Variants in R3HDM2 observed in about 807,000 individuals in gnomAD.
R3HDM2 encodes R3H domain-containing protein 2.
In R3HDM2, 38 loss-of-function variants were observed where a neutral mutation model predicts 124.5. That is an observed-to-expected ratio of 0.31 (90% CI 0.24 to 0.40). R3HDM2 has a LOEUF of 0.40. Ranked by LOEUF, R3HDM2 falls within the 10% of genes least tolerant of loss-of-function variation. The pLI is 1.00. For missense variants in R3HDM2, 869 were observed against 1,236.9 expected, an observed-to-expected ratio of 0.70 and a Z score of 4.46; for synonymous variants, 391 against 448.0, an observed-to-expected ratio of 0.87 and a Z score of 1.61.
intron 19 of R3HDM2, among the ~76,000 whole-genome samples, chr12:57,265,740 T>C (rs545111055): frequency 2.6e-5 from 4 of 151,612 alleles, no homozygotes; most frequent in Non-Finnish European, 4.4e-5. Context: ...GCTCAAGCGA[T>C]TGTTCCCCTC....
At chr12:57,410,191 CTTAT>C (rs1459043891) in intron 1 of R3HDM2, among the ~76,000 whole-genome samples, 1 of 151,916 alleles carries the variant, frequency 6.6e-6, no homozygotes, top group Non-Finnish European at 1.5e-5. Context: ...TCTATTTTAA[CTTAT>C]TTTTCATTTA....
intron 2 of R3HDM2, among the ~76,000 whole-genome samples, chr12:57,391,949 G>A (rs1167799308): frequency 6.6e-6 from 1 of 152,130 alleles, no homozygotes; most frequent in Middle Eastern, 3.2e-3. Flanking sequence ...ATTACCTGAG[G>A]TCAGGAGTTG....
intron 20 of R3HDM2, among the ~76,000 whole-genome samples, chr12:57,258,534 G>A (rs1424725698): frequency 1.3e-5 from 2 of 151,620 alleles, no homozygotes; most frequent in East Asian, 1.9e-4. Flanking sequence ...CAGTAGAGAC[G>A]GGGTATCACC....
intron 1 of R3HDM2, among the ~76,000 whole-genome samples, chr12:57,402,610 A>G (rs1246336620): frequency 6.6e-6 from 1 of 152,036 alleles, no homozygotes; most frequent in Non-Finnish European, 1.5e-5. Context: ...CTCTACTAAA[A>G]ATACAAAAAT....
chr12:57,369,707 G>GT lies in R3HDM2; in HGVS notation c.-36+26041dup, dbSNP rs202222751. Among the ~76,000 whole-genome samples, 1,252 of 152,246 alleles carry GT rather than the reference G, an allele frequency of 8.2e-3. 16 individuals carry two copies. Among genetic ancestry groups the GT allele is most frequent in the African/African-American group, 0.028 (1,168 of 41,530 alleles). ...TATCATCCAACAAGTCTGCCCCATG[G>GT]TAAGATGGATGAGGGCAGTAGGAAC... On this transcript the variant is annotated intron_variant, in intron 2 of 23. Transcript: ENST00000402412.
intron 2 of R3HDM2, among the ~76,000 whole-genome samples, chr12:57,343,605 T>C (rs993290709): frequency 6.6e-6 from 1 of 151,994 alleles, no homozygotes. Flanking sequence ...TGTATAGCTA[T>C]GGTCAAGGCA....
intron 8 of R3HDM2, 25 bp downstream of exon 8, chr12:57,297,303 T>C: frequency 1.5e-6 from 2 of 1,304,602 alleles, no homozygotes; most frequent in Non-Finnish European, 2.2e-6. Flanking sequence ...CACCTCTAAT[T>C]ATATATTTCA....
chr12:57,264,866 G>A (rs147136265), intron 19 of R3HDM2, among the ~76,000 whole-genome samples: 235 of 152,174 alleles, frequency 1.5e-3, no homozygotes, highest in Non-Finnish European at 2.9e-3. Context: ...CGAACTCCTG[G>A]CTTCAAGAAA....
chr12:57,336,160 G>A (rs1392723189), intron 2 of R3HDM2, among the ~76,000 whole-genome samples: 1 of 151,874 alleles, frequency 6.6e-6, no homozygotes, highest in African/African-American at 2.4e-5. Context: ...ACAGATGCTG[G>A]TGAGGTTACA....
chr12:57,360,006 A>AATAAATAAATATATATATATAT (rs1403496780), intron 2 of R3HDM2, among the ~76,000 whole-genome samples: 104 of 117,628 alleles, frequency 8.8e-4, no homozygotes, highest in African/African-American at 3.0e-3. Flanking sequence ...TAAATAAATA[A>AATAAATAAATATATATATATAT]ATATATATAT....
intron 13 of R3HDM2, among the ~76,000 whole-genome samples, chr12:57,280,976 A>G (rs2045974782): frequency 6.6e-6 from 1 of 152,090 alleles, no homozygotes; most frequent in African/African-American, 2.4e-5. Context: ...CTCAATTTGC[A>G]ACATCTCTTA....
At chr12:57,269,217 T>C in intron 16 of R3HDM2, 106 bp downstream of exon 16, 1 of 1,553,262 alleles carries the variant, frequency 6.4e-7, no homozygotes. Context: ...ACCCTAATCA[T>C]TCCTGCCCCT....
intron 2 of R3HDM2, among the ~76,000 whole-genome samples, chr12:57,357,762 T>C (rs1260778653): frequency 6.6e-6 from 1 of 151,884 alleles, no homozygotes; most frequent in Non-Finnish European, 1.5e-5. Context: ...AGGTCAATGA[T>C]TTTAGATTTT....
At chr12:57,351,421 C>T (rs1165546750) in intron 2 of R3HDM2, among the ~76,000 whole-genome samples, 1 of 152,142 alleles carries the variant, frequency 6.6e-6, no homozygotes, top group Non-Finnish European at 1.5e-5. Flanking sequence ...TTCACATCAA[C>T]AGGATATAAA....
chr12:57,364,842 A>G (rs928275359), intron 2 of R3HDM2, among the ~76,000 whole-genome samples: 2 of 149,304 alleles, frequency 1.3e-5, no homozygotes, highest in Admixed American at 6.8e-5. Flanking sequence ...AGTTGCAGCT[A>G]TTTGGGAGGC....
rs374627658 is a variant in R3HDM2, at chr12:57,279,730, TA to T, written c.1344+627del. ...TCTGGTTTAGAACAGGACTGATTCT[TA>T]GGCTAATGACCTTCCTGGTCTCCAC... On this transcript the variant is annotated intron_variant, in intron 14 of 23. Coordinates refer to ENST00000402412, the MANE Select transcript of R3HDM2 (RefSeq NM_001394031.1). 8.9e-4 allele frequency among the ~76,000 whole-genome samples: 135 copies of T among 152,258 alleles called. 2 individuals carry two copies. The East Asian group carries it at 0.021, about 24-fold the overall frequency.
At chr12:57,385,386 G>A (rs555246928) in intron 2 of R3HDM2, among the ~76,000 whole-genome samples, 1 of 151,226 alleles carries the variant, frequency 6.6e-6, no homozygotes, top group Admixed American at 6.6e-5. Flanking sequence ...GGACTTACAG[G>A]CGCCTGCCAC....
intron 2 of R3HDM2, among the ~76,000 whole-genome samples, chr12:57,383,414 T>C (rs2065197527): frequency 6.6e-6 from 1 of 152,140 alleles, no homozygotes; most frequent in Non-Finnish European, 1.5e-5. Context: ...TTAATAATAA[T>C]GTGATCGGCA....
At chr12:57,388,211 C>T (rs1027739620) in intron 2 of R3HDM2, among the ~76,000 whole-genome samples, 9 of 151,738 alleles carry the variant, frequency 5.9e-5, no homozygotes, top group East Asian at 1.9e-4. Flanking sequence ...GTGATCTGCC[C>T]GCCTCAGCCT....
Sources: allele counts gnomAD v4.1 joint callset (sites outside exome capture counted in the v4.1 genomes callset), GRCh38; gene constraint gnomAD v4.1.1; transcripts MANE v1.5; gene names NCBI Gene and HGNC (gene_info 2026-07-23, HGNC 2026-07-21).